The following GABBR2 variants were observed in gnomAD, a reference collection of about 807,000 sequenced individuals.
GABBR2 encodes gamma-aminobutyric acid type B receptor subunit 2.
In GABBR2, 23 loss-of-function variants were observed where a neutral mutation model predicts 105.6. The observed-to-expected ratio is 0.22, with a 90% CI of 0.16 to 0.31. GABBR2 has a LOEUF of 0.31. Ranked by LOEUF, GABBR2 falls within the 10% of genes least tolerant of loss-of-function variation. The pLI, the probability that GABBR2 is intolerant of heterozygous loss-of-function variation, is 1.00. For missense variants in GABBR2, 734 were observed against 1,245.5 expected (o/e 0.59, Z 6.18); for synonymous variants, 478 against 499.7 (o/e 0.96, Z 0.58).
At chr9:98,434,553 C>T (rs2131577679) in intron 7 of GABBR2, among the ~76,000 whole-genome samples, 1 of 152,288 alleles carries the variant, frequency 6.6e-6, no homozygotes, top group Non-Finnish European at 1.5e-5. Context: ...CTAACGTAAC[C>T]TCATAGAATA....
intron 1 of GABBR2, among the ~76,000 whole-genome samples, chr9:98,611,573 C>G (rs372881513): frequency 3.3e-4 from 50 of 152,304 alleles, no homozygotes; most frequent in East Asian, 3.3e-3. Flanking sequence ...AGCTGCTGAC[C>G]CATAACCTTG....
At chr9:98,341,515 A>G (rs536378954) in intron 13 of GABBR2, among the ~76,000 whole-genome samples, 1 of 152,268 alleles carries the variant, frequency 6.6e-6, no homozygotes, top group South Asian at 2.1e-4. Context: ...AAGGTGAGAT[A>G]ATCCTCCAGG....
chr9:98,360,707 G>A (rs1402061230), intron 13 of GABBR2, among the ~76,000 whole-genome samples: 1 of 152,222 alleles, frequency 6.6e-6, no homozygotes, highest in African/African-American at 2.4e-5. Context: ...AGCCATGATA[G>A]CAAACCATCA....
chr9:98,395,856 G>A (rs2131510179), intron 8 of GABBR2, among the ~76,000 whole-genome samples: 1 of 152,230 alleles, frequency 6.6e-6, no homozygotes, highest in East Asian at 1.9e-4. Flanking sequence ...GCTTGAGAAT[G>A]GTGGGGAGCA....
intron 1 of GABBR2, among the ~76,000 whole-genome samples, chr9:98,601,378 A>G (rs986355347): frequency 4.6e-5 from 7 of 152,138 alleles, no homozygotes; most frequent in African/African-American, 1.4e-4. Flanking sequence ...TTAGCCGTGC[A>G]TGGCGGTGCA....
intron 1 of GABBR2, among the ~76,000 whole-genome samples, chr9:98,578,980 G>T (rs1400408900): frequency 6.6e-6 from 1 of 152,168 alleles, no homozygotes; most frequent in Non-Finnish European, 1.5e-5. Context: ...GGTCTTCATT[G>T]TTTGACAGGC....
chr9:98,534,554 C>G (rs1285832564), intron 3 of GABBR2, among the ~76,000 whole-genome samples: 1 of 152,200 alleles, frequency 6.6e-6, no homozygotes, highest in African/African-American at 2.4e-5. Context: ...CTCCCAACAA[C>G]CCTAAGAGGT....
chr9:98,473,066 T>C (rs1416000751), intron 6 of GABBR2, 80 bp downstream of exon 6: 9 of 1,010,098 alleles, frequency 8.9e-6, no homozygotes, highest in Non-Finnish European at 1.2e-5. Flanking sequence ...ACAATAAATG[T>C]GCTCTTTTGG....
chr9:98,466,339 G>C (rs1307153354), intron 6 of GABBR2, among the ~76,000 whole-genome samples: 3 of 152,174 alleles, frequency 2.0e-5, no homozygotes, highest in African/African-American at 7.2e-5. Flanking sequence ...ATCTGGCAGT[G>C]GGTATTAACT....
Position 98,578,013 on chromosome 9 carries a change from G to C in GABBR2, c.381C>G (p.His127Gln), listed in dbSNP as rs139973950. 3.1e-6 allele frequency: 5 copies of C among 1,613,922 alleles called. No individual in the cohort carries two copies. The highest frequency in any genetic ancestry group is 4.2e-6 in the Non-Finnish European group (5 of 1,179,784). The part of the protein sequence containing the change: ...FYDAIKYGPN[H>Q]LMVFGGVCPS... The stretch of plus-strand genomic sequence containing the variant: ...GACAGACGCCTCCAAACACCATCAA[G>C]TGGTTAGGCCCGTATTTTATTGCAT... The change falls in exon 2 of 19, where the codon CAC becomes CAG. Residue 127 changes from histidine (H) to glutamine (Q), a missense_variant. Transcript: ENST00000259455.
chr9:98,311,904 T>C (rs1830642162), intron 13 of GABBR2, among the ~76,000 whole-genome samples: 1 of 152,192 alleles, frequency 6.6e-6, no homozygotes, highest in African/African-American at 2.4e-5. Flanking sequence ...TGGCAGGAAC[T>C]TGAATTGGGA....
At chr9:98,669,121 A>G (rs1219630977) in intron 1 of GABBR2, among the ~76,000 whole-genome samples, 2 of 152,200 alleles carry the variant, frequency 1.3e-5, no homozygotes, top group African/African-American at 4.8e-5. Context: ...AGGAACTGCC[A>G]TATTGTTTTC....
intron 13 of GABBR2, among the ~76,000 whole-genome samples, chr9:98,339,310 A>C (rs1393622717): frequency 1.3e-5 from 2 of 152,094 alleles, no homozygotes; most frequent in Non-Finnish European, 2.9e-5. Flanking sequence ...AAAGAAACAA[A>C]AAGAAAAAGA....
intron 6 of GABBR2, among the ~76,000 whole-genome samples, chr9:98,456,580 A>T (rs968674727): frequency 2.6e-5 from 4 of 152,180 alleles, no homozygotes; most frequent in African/African-American, 9.7e-5. Flanking sequence ...AATCTCAAAC[A>T]ATACCTGCTT....
At chr9:98,604,847 T>C (rs1358522822) in intron 1 of GABBR2, among the ~76,000 whole-genome samples, 1 of 152,226 alleles carries the variant, frequency 6.6e-6, no homozygotes, top group Non-Finnish European at 1.5e-5. Flanking sequence ...TCCTGAGGAC[T>C]CACAACTAGT....
At chr9:98,354,823 G>A (rs750462793) in intron 13 of GABBR2, among the ~76,000 whole-genome samples, 4 of 152,188 alleles carry the variant, frequency 2.6e-5, no homozygotes, top group African/African-American at 7.2e-5. Context: ...TGTGTTCACT[G>A]AAACAGCACT....
chr9:98,373,548 CTAGGAGCCGGA>C (rs996120513), intron 11 of GABBR2, among the ~76,000 whole-genome samples: 1 of 152,164 alleles, frequency 6.6e-6, no homozygotes, highest in African/African-American at 2.4e-5. Flanking sequence ...TCATCTACAC[CTAGGAGCCGGA>C]TGTCAAAGGA....
intron 2 of GABBR2, among the ~76,000 whole-genome samples, chr9:98,545,729 T>C (rs551816681): frequency 6.6e-6 from 1 of 152,298 alleles, no homozygotes; most frequent in African/African-American, 2.4e-5. Flanking sequence ...AAAATTCCAC[T>C]ACAGCTAATA....
At chr9:98,392,559 A>T (rs1350450129) in intron 9 of GABBR2, among the ~76,000 whole-genome samples, 1 of 152,154 alleles carries the variant, frequency 6.6e-6, no homozygotes, top group Non-Finnish European at 1.5e-5. Flanking sequence ...TTGCTTTGCA[A>T]TGTTCTCAAG....
Sources: gnomAD v4.1 joint callset for allele counts (sites outside exome capture counted in the v4.1 genomes callset) on GRCh38, gnomAD v4.1.1 for gene constraint, MANE v1.5 for transcripts, NCBI Gene and HGNC (gene_info 2026-07-23, HGNC 2026-07-21) for gene names.